The following ARHGEF33 variants were observed in gnomAD, a reference collection of about 807,000 sequenced individuals.
ARHGEF33 encodes Rho guanine nucleotide exchange factor 33, also known as DH and coiled-coil domain-containing protein ENSP00000381780.
A neutral mutation model predicts 101.9 loss-of-function variants in ARHGEF33; 72 were observed. The observed-to-expected ratio is 0.71, with a 90% CI of 0.58 to 0.86. The LOEUF is 0.86. Ranked by LOEUF, ARHGEF33 falls within the 40% of genes least tolerant of loss-of-function variation. The probability of loss-of-function intolerance (pLI) is 0.00; values close to 1 mark genes in which losing one functional copy is unlikely to be tolerated. For missense variants in ARHGEF33, 1,169 were observed against 1,111.3 expected (o/e 1.05, Z -0.74); for synonymous variants, 499 against 442.5 (o/e 1.13, Z -1.60).
At chr2:38,922,041 A>G (rs921635501) in intron 4 of ARHGEF33, among the ~76,000 whole-genome samples, 2 of 152,228 alleles carry the variant, frequency 1.3e-5, no homozygotes, top group South Asian at 2.1e-4. Flanking sequence ...ACATCTTTGC[A>G]GTAAGAGTCG....
intron 2 of ARHGEF33, among the ~76,000 whole-genome samples, chr2:38,911,695 C>T (rs1036809619): frequency 2.6e-5 from 4 of 152,108 alleles, no homozygotes; most frequent in Admixed American, 6.5e-5. Flanking sequence ...TGTTTTTAAA[C>T]AGCAGAAGCT....
In ARHGEF33 at chr2:38,944,047, TG is replaced by T; in HGVS notation, c.920+18del. ...AGAGAGAAGGTATCCATGCACTCAT[TG>T]CCTTTGCTTTTCAGATTGATTAGGA... On this transcript the variant is annotated intron_variant, in intron 10 of 17. Transcript: ENST00000409978. The T allele has an allele frequency of 6.5e-7, 1 of 1,533,438 alleles. No homozygotes were observed. Among genetic ancestry groups the T allele is most frequent in the Non-Finnish European group, 8.8e-7 (1 of 1,138,580 alleles). The allele number at this position is 1,533,438 out of a possible 1,614,324, so 95.0% of individuals were successfully genotyped here.
At chr2:38,933,156 C>T (rs895571002) in intron 7 of ARHGEF33, among the ~76,000 whole-genome samples, 1 of 152,122 alleles carries the variant, frequency 6.6e-6, no homozygotes, top group African/African-American at 2.4e-5. Context: ...CTCAAGGTCT[C>T]TCATTAAGGC....
At position 38,956,886 on chromosome 2, in the gene ARHGEF33, C is replaced by G; in HGVS notation, c.1222-13C>G. 1 of 1,551,276 alleles carries G rather than the reference C, an allele frequency of 6.4e-7. No homozygotes were observed. The highest frequency in any genetic ancestry group is 1.4e-5 in the African/African-American group (1 of 73,148). ...TGATTATGCAATGCTACTTCCTTTT[C>G]CCCTCCATCCAGAACGTCCTGAAGT... On this transcript the variant is annotated splice_polypyrimidine_tract_variant and intron_variant, in intron 13 of 17. Transcript: ENST00000409978.
At chr2:38,914,168 T>A (rs1572744994) in intron 2 of ARHGEF33, among the ~76,000 whole-genome samples, 1 of 152,286 alleles carries the variant, frequency 6.6e-6, no homozygotes, top group Middle Eastern at 3.4e-3. Context: ...ATAAGAATAG[T>A]TATAGCCTTT....
intron 12 of ARHGEF33, 140 bp downstream of exon 12, chr2:38,953,385 C>G: frequency 1.6e-6 from 1 of 610,432 alleles, no homozygotes; most frequent in Non-Finnish European, 3.0e-6. Context: ...AATACCACTA[C>G]CTGGCATTAA....
At chr2:38,908,262 A>T (rs984129123) in intron 2 of ARHGEF33, among the ~76,000 whole-genome samples, 13 of 152,178 alleles carry the variant, frequency 8.5e-5, no homozygotes, top group African/African-American at 3.1e-4. Flanking sequence ...AAGAAAAGAG[A>T]TGAAGAATAT....
At chr2:38,919,544 C>A in intron 3 of ARHGEF33, 72 bp downstream of exon 3, 2 of 1,427,786 alleles carry the variant, frequency 1.4e-6, no homozygotes, top group Non-Finnish European at 1.9e-6. Flanking sequence ...TGTCTTACCA[C>A]TGTCTCGAGA....
At chr2:38,966,495 G>A (rs1264970720) in intron 17 of ARHGEF33, among the ~76,000 whole-genome samples, 1 of 152,170 alleles carries the variant, frequency 6.6e-6, no homozygotes, top group Non-Finnish European at 1.5e-5. Context: ...CACTATTGGG[G>A]TTGGGTGTCA....
intron 10 of ARHGEF33, among the ~76,000 whole-genome samples, chr2:38,944,589 T>G (rs78049105): frequency 8.5e-4 from 130 of 152,294 alleles, no homozygotes; most frequent in African/African-American, 2.6e-3. Flanking sequence ...ACTTAGATTT[T>G]CATCAATGTA....
intron 16 of ARHGEF33, among the ~76,000 whole-genome samples, chr2:38,965,105 A>G (rs1323993799): frequency 6.6e-6 from 1 of 151,588 alleles, no homozygotes; most frequent in Non-Finnish European, 1.5e-5. Context: ...GCAGTCACCT[A>G]TCTAATTCAT....
chr2:38,950,563 T>G (rs890988551), intron 10 of ARHGEF33, among the ~76,000 whole-genome samples: 1 of 152,226 alleles, frequency 6.6e-6, no homozygotes, highest in Non-Finnish European at 1.5e-5. Flanking sequence ...GTGATTCTCC[T>G]GCCTTAGCCT....
chr2:38,955,097 C>T (rs1026127986), intron 13 of ARHGEF33, among the ~76,000 whole-genome samples: 1 of 152,182 alleles, frequency 6.6e-6, no homozygotes, highest in Non-Finnish European at 1.5e-5. Context: ...GTTTTTACAG[C>T]TATCTAAATG....
chr2:38,903,958 T>C (rs1666330566), intron 2 of ARHGEF33, among the ~76,000 whole-genome samples: 1 of 152,222 alleles, frequency 6.6e-6, no homozygotes, highest in Admixed American at 6.5e-5. Flanking sequence ...CAAACCTTTA[T>C]TGAACTTCTA....
intron 17 of ARHGEF33, among the ~76,000 whole-genome samples, chr2:38,968,955 G>A (rs1436732355): frequency 6.6e-6 from 1 of 152,194 alleles, no homozygotes; most frequent in Non-Finnish European, 1.5e-5. Flanking sequence ...AGAGAGGAAG[G>A]TCAGGGAGGC....
chr2:38,958,252 A>C, intron 15 of ARHGEF33, 54 bp downstream of exon 15: 1 of 1,544,626 alleles, frequency 6.5e-7, no homozygotes, highest in Non-Finnish European at 8.7e-7. Flanking sequence ...GGACCCAGCC[A>C]GTCTGTGCGG....
intron 2 of ARHGEF33, among the ~76,000 whole-genome samples, chr2:38,902,274 C>T (rs184381734): frequency 2.0e-3 from 300 of 152,050 alleles, no homozygotes; most frequent in Non-Finnish European, 3.2e-3. Flanking sequence ...ATAATGTTGG[C>T]GACAGGCAGT....
chr2:38,895,070 C>T (rs1308241293), intron 1 of ARHGEF33, among the ~76,000 whole-genome samples: 1 of 152,128 alleles, frequency 6.6e-6, no homozygotes, highest in Admixed American at 6.6e-5. Context: ...TAAGGCTTTG[C>T]CCCTCCCTAA....
At chr2:38,910,950 G>A (rs536455765) in intron 2 of ARHGEF33, among the ~76,000 whole-genome samples, 1 of 152,298 alleles carries the variant, frequency 6.6e-6, no homozygotes, top group South Asian at 2.1e-4. Context: ...GCGACTTCCA[G>A]TGTAACTTTG....
Sources: gnomAD v4.1 joint callset for allele counts (sites outside exome capture counted in the v4.1 genomes callset) on GRCh38, gnomAD v4.1.1 for gene constraint, MANE v1.5 for transcripts, NCBI Gene and HGNC (gene_info 2026-07-23, HGNC 2026-07-21) for gene names.